Variants in NAV2 observed in about 807,000 individuals in gnomAD.
NAV2 encodes the protein helicase, APC down-regulated 1.
A neutral mutation model predicts 223.2 loss-of-function variants in NAV2; 54 were observed. The observed-to-expected ratio is 0.24, with a 90% CI of 0.19 to 0.30. The LOEUF (loss-of-function observed/expected upper bound fraction) is 0.30, where lower values mean the gene tolerates loss of function less well. Among genes scored for constraint, NAV2 ranks in the 10% least tolerant of loss-of-function variants. The probability of loss-of-function intolerance (pLI) is 1.00; values close to 1 mark genes in which losing one functional copy is unlikely to be tolerated. For synonymous variants in NAV2, 1,279 were observed against 1,239.3 expected (o/e 1.03, Z -0.67); for missense variants, 2,806 against 3,147.5 (o/e 0.89, Z 2.60).
intron 6 of NAV2, among the ~76,000 whole-genome samples, chr11:19,913,824 G>A (rs2043530410): frequency 1.3e-5 from 2 of 152,110 alleles, no homozygotes; most frequent in South Asian, 2.1e-4. Context: ...CTAGCTCTAC[G>A]CCTTTTTTTA....
chr11:20,039,460 C>G (rs1376227238), intron 12 of NAV2, among the ~76,000 whole-genome samples: 1 of 152,106 alleles, frequency 6.6e-6, no homozygotes, highest in Non-Finnish European at 1.5e-5. Flanking sequence ...TTCCCTTCGT[C>G]CCTTCCCAGC....
At chr11:19,562,955 A>G (rs10500856) in intron 1 of NAV2, among the ~76,000 whole-genome samples, 5,185 of 152,250 alleles carry the variant, frequency 0.034, 287 homozygotes, top group African/African-American at 0.11. Context: ...CCTTCAAAAC[A>G]TGGAGTAGGC....
chr11:19,362,042 TGA>T (rs1405623897), intron 1 of NAV2, among the ~76,000 whole-genome samples: 2 of 152,110 alleles, frequency 1.3e-5, no homozygotes, highest in Admixed American at 6.5e-5. Flanking sequence ...GGGAGGAGGA[TGA>T]GCTGGAGAGG....
intron 1 of NAV2, among the ~76,000 whole-genome samples, chr11:19,483,609 G>GA (rs2042347350): frequency 6.6e-6 from 1 of 152,094 alleles, no homozygotes; most frequent in South Asian, 2.1e-4. Flanking sequence ...TGTGAAGAAG[G>GA]AAAAAAATGC....
chr11:19,601,041 C>T (rs766118029), intron 1 of NAV2, among the ~76,000 whole-genome samples: 4 of 152,170 alleles, frequency 2.6e-5, no homozygotes, highest in Non-Finnish European at 4.4e-5. Context: ...CAGTCTTGTT[C>T]TCTCAAGAGC....
intron 1 of NAV2, among the ~76,000 whole-genome samples, chr11:19,730,552 T>G (rs1168990350): frequency 6.6e-6 from 1 of 152,198 alleles, no homozygotes; most frequent in Non-Finnish European, 1.5e-5. Flanking sequence ...GACGCTGACT[T>G]CCAGGGCTGG....
intron 1 of NAV2, among the ~76,000 whole-genome samples, chr11:19,810,914 T>C (rs937691376): frequency 6.6e-6 from 1 of 152,250 alleles, no homozygotes; most frequent in Non-Finnish European, 1.5e-5. Flanking sequence ...TATAATATCT[T>C]TATTTGACAT....
chr11:19,948,956 G>T lies in NAV2; in HGVS notation c.2521G>T (p.Val841Leu). ...CTCCCGGGGCAGTAGTGTCTGCCAT[G>T]TGGACGTCTCAGACAAGGCAGGAGA... ...LASRGSSVCH[V>L]DVSDKAGDEM... The change falls in exon 10 of 38, where the codon GTG (valine) becomes TTG (leucine). Residue 841 changes from valine (V) to leucine (L), a missense_variant. Physicochemically the swap from Val to Leu is conservative, Grantham distance 32. This residue lies in a region of NAV2 where 1,167 missense variants were observed against 1,180.5 expected (regional missense o/e 0.99). Transcript: ENST00000349880. 1 of 1,613,978 alleles carries T rather than the reference G, an allele frequency of 6.2e-7. No individual in the cohort carries two copies. Among genetic ancestry groups the T allele is most frequent in the African/African-American group, 1.3e-5 (1 of 75,042 alleles).
At chr11:19,759,545 T>C (rs11602166) in intron 1 of NAV2, among the ~76,000 whole-genome samples, 40,836 of 152,088 alleles carry the variant, frequency 0.27, 6,074 homozygotes, top group Middle Eastern at 0.37. Context: ...TTTCCTGTCT[T>C]AGTAAACAGA....
intron 1 of NAV2, among the ~76,000 whole-genome samples, chr11:19,428,225 C>A (rs1357262717): frequency 2.0e-5 from 3 of 152,042 alleles, no homozygotes; most frequent in Non-Finnish European, 4.4e-5. Flanking sequence ...ATATTGGCAA[C>A]GAATTTAAAA....
rs150902509 is a variant in NAV2 at position 19,933,229 on chromosome 11, G to C, written c.985G>C (p.Ala329Pro). Reference sequence around the variant, plus strand: ...CCCCGGAATGAGTGACAATGCACCTGCTTCCTTGGAGAGCGGCAGCAGCTC... The same window carrying C: ...CCCCGGAATGAGTGACAATGCACCTCCTTCCTTGGAGAGCGGCAGCAGCTC... ...SHPGMSDNAP[A>P]SLESGSSSTP... The change falls in exon 7 of 38, where the codon GCT (alanine) becomes CCT (proline). Residue 329 changes from alanine (A) to proline (P), a missense_variant. Ala to Pro is a conservative substitution (Grantham distance 27). This residue lies in a region of NAV2 where 1,167 missense variants were observed against 1,180.5 expected (regional missense o/e 0.99). Coordinates refer to ENST00000349880, the MANE Select transcript of NAV2 (RefSeq NM_145117.5). The surrounding 1 kb of genome is among the most constrained non-coding windows in gnomAD (Gnocchi z 4.3). The C allele has an allele frequency of 1.7e-3, 2,725 of 1,584,820 alleles. 4 individuals are homozygous for C. Among genetic ancestry groups the C allele is most frequent in the Admixed American group, 3.7e-3 (205 of 55,552 alleles).
At chr11:19,721,168 GA>G (rs1199768288) in intron 1 of NAV2, among the ~76,000 whole-genome samples, 2 of 152,156 alleles carry the variant, frequency 1.3e-5, no homozygotes, top group Non-Finnish European at 2.9e-5. Context: ...AAAAATATCT[GA>G]AAAAATGCTG....
chr11:19,899,799 G>A (rs58279597), intron 6 of NAV2, among the ~76,000 whole-genome samples: 28,257 of 152,130 alleles, frequency 0.19, 3,234 homozygotes, highest in East Asian at 0.42. Flanking sequence ...GGGAAAGAAT[G>A]ACTTGTCCTG....
Position 20,097,766 on chromosome 11 carries a change from A to G in NAV2, c.6181+21A>G, listed in dbSNP as rs2289563. 0.2 allele frequency: 310,226 copies of G among 1,551,974 alleles called. 33,902 individuals are homozygous for G. The highest frequency in any genetic ancestry group is 0.39 in the South Asian group (31,608 of 82,054). On this transcript the variant is annotated intron_variant, in intron 31 of 37. Transcript: ENST00000349880. ...GAAAGGTAATTGAGCTTGTTGCAGAAGTCGGAGCTTTCAGGAATTGCAGTG... is the reference window on the plus strand; with the variant it reads ...GAAAGGTAATTGAGCTTGTTGCAGAGGTCGGAGCTTTCAGGAATTGCAGTG...
chr11:19,722,773 G>A (rs1309361044), intron 1 of NAV2, among the ~76,000 whole-genome samples: 1 of 152,200 alleles, frequency 6.6e-6, no homozygotes, highest in Non-Finnish European at 1.5e-5. Flanking sequence ...CTCTTAGGAT[G>A]TGAACTGAGA....
chr11:19,535,822 C>T (rs2044170393), intron 1 of NAV2, among the ~76,000 whole-genome samples: 1 of 152,212 alleles, frequency 6.6e-6, no homozygotes, highest in East Asian at 1.9e-4. Context: ...TCCAAATGAG[C>T]CCCAGGAAAG....
chr11:19,652,134 T>A (rs1454888759), intron 1 of NAV2, among the ~76,000 whole-genome samples: 3 of 152,052 alleles, frequency 2.0e-5, no homozygotes, highest in African/African-American at 7.2e-5. Flanking sequence ...ATGAAGCCTA[T>A]TAGAAAAAAA....
intron 1 of NAV2, among the ~76,000 whole-genome samples, chr11:19,355,844 T>G (rs1458202235): frequency 6.6e-6 from 1 of 152,176 alleles, no homozygotes; most frequent in African/African-American, 2.4e-5. Context: ...CCCAGGCCAG[T>G]AGTGAGGCTG....
chr11:19,984,311 G>T (rs7940346), intron 11 of NAV2, 64 bp downstream of exon 11: 131,952 of 1,609,260 alleles, frequency 0.082, 5,747 homozygotes, highest in Middle Eastern at 0.097. Flanking sequence ...CCTGAGAAAT[G>T]AGGGTTATGA....
Sources: gnomAD v4.1 joint callset for allele counts (sites outside exome capture counted in the v4.1 genomes callset) on GRCh38, gnomAD v4.1.1 for gene constraint, gnomAD v4.1.1 regional missense constraint, Gnocchi (gnomAD v3.1) non-coding constraint, MANE v1.5 for transcripts, NCBI Gene and HGNC (gene_info 2026-07-23, HGNC 2026-07-21) for gene names.